NSD3: variants seen among roughly 807,000 people sequenced by gnomAD.
NSD3 encodes histone-lysine N-methyltransferase NSD3.
Under a neutral mutation model 160.8 loss-of-function variants are expected in NSD3, and 24 were observed. That is an observed-to-expected ratio of 0.15 (90% confidence interval 0.11 to 0.21). The LOEUF (loss-of-function observed/expected upper bound fraction) is 0.21, where lower values mean the gene tolerates loss of function less well. Among genes scored for constraint, NSD3 ranks in the 10% least tolerant of loss-of-function variants. NSD3 has a pLI of 1.00. For missense variants in NSD3, 1,157 were observed against 1,735.9 expected (o/e 0.67, Z 5.93); for synonymous variants, 520 against 600.0 (o/e 0.87, Z 1.95).
At chr8:38,287,913 T>A (rs970926225) in intron 19 of NSD3, among the ~76,000 whole-genome samples, 3 of 152,020 alleles carry the variant, frequency 2.0e-5, no homozygotes, top group Admixed American at 6.6e-5. Flanking sequence ...GCCCGGCTGA[T>A]TTTTTTTAAA....
At chr8:38,281,357 T>C (rs1401536433) in intron 20 of NSD3, 110 bp downstream of exon 20, 3 of 523,364 alleles carry the variant, frequency 5.7e-6, no homozygotes, top group East Asian at 3.2e-5. Context: ...CAAATCATTA[T>C]GCTCTGCCTG....
At chr8:38,373,648 A>G (rs1193294445) in intron 1 of NSD3, among the ~76,000 whole-genome samples, 2 of 152,104 alleles carry the variant, frequency 1.3e-5, no homozygotes, top group African/African-American at 4.8e-5. Context: ...TTAATCTCAA[A>G]TCAATTTGAT....
chr8:38,302,084 A>C (rs1402540703), intron 14 of NSD3, among the ~76,000 whole-genome samples: 2 of 152,262 alleles, frequency 1.3e-5, no homozygotes, highest in Non-Finnish European at 2.9e-5. Flanking sequence ...GAAACATTTC[A>C]AAAAATATTT....
chr8:38,307,135 AAAATAAAT>A (rs1554524055), intron 12 of NSD3, among the ~76,000 whole-genome samples: 26 of 93,694 alleles, frequency 2.8e-4, no homozygotes, highest in African/African-American at 7.5e-4. Flanking sequence ...AAAATAAAAT[AAAATAAAT>A]AAATAAATAA....
At chr8:38,310,024 A>AT (rs1809495630) in intron 12 of NSD3, among the ~76,000 whole-genome samples, 1 of 152,180 alleles carries the variant, frequency 6.6e-6, no homozygotes, top group African/African-American at 2.4e-5. Context: ...AAAGCACTTA[A>AT]TTTTTTTAAT....
chr8:38,340,358 A>C (rs1810331632), intron 2 of NSD3, among the ~76,000 whole-genome samples: 1 of 152,120 alleles, frequency 6.6e-6, no homozygotes, highest in African/African-American at 2.4e-5. Context: ...TTTTTGAGAC[A>C]GAGTCTTACT....
At chr8:38,294,499 T>C (rs1308725172) in intron 16 of NSD3, among the ~76,000 whole-genome samples, 1 of 152,210 alleles carries the variant, frequency 6.6e-6, no homozygotes, top group African/African-American at 2.4e-5. Context: ...TCCTGCTTCA[T>C]TCCCTTAAGA....
intron 12 of NSD3, among the ~76,000 whole-genome samples, chr8:38,307,135 AAAAT>A (rs1554524055): frequency 6.4e-5 from 6 of 93,656 alleles, no homozygotes; most frequent in East Asian, 7.2e-4. Context: ...AAAATAAAAT[AAAAT>A]AAATAAATAA....
chr8:38,373,465 C>T (rs1811308135), intron 1 of NSD3, among the ~76,000 whole-genome samples: 1 of 152,096 alleles, frequency 6.6e-6, no homozygotes, highest in Non-Finnish European at 1.5e-5. Flanking sequence ...TTTCACATTT[C>T]ATAACGTAAA....
intron 2 of NSD3, among the ~76,000 whole-genome samples, chr8:38,341,090 G>A (rs145171584): frequency 6.6e-6 from 1 of 152,196 alleles, no homozygotes; most frequent in African/African-American, 2.4e-5. Context: ...AATGGGCTAT[G>A]ACTGCACTCC....
At chr8:38,280,638 C>T (rs1177176097) in intron 20 of NSD3, among the ~76,000 whole-genome samples, 1 of 151,986 alleles carries the variant, frequency 6.6e-6, no homozygotes, top group East Asian at 1.9e-4. Flanking sequence ...AATCAGAGAA[C>T]TGACAAAAAA....
intron 12 of NSD3, among the ~76,000 whole-genome samples, chr8:38,310,798 C>T (rs1265501135): frequency 6.6e-6 from 1 of 151,862 alleles, no homozygotes; most frequent in Non-Finnish European, 1.5e-5. Context: ...AGGTGTGAGA[C>T]ACTACGCCTG....
At position 38,382,265 on chromosome 8, in the gene NSD3, A is replaced by G; in HGVS notation, c.-511T>C. On this transcript the variant is annotated 5_prime_UTR_variant, in exon 1 of 24. Transcript: ENST00000317025. This position sits in a 1 kb window ranked among gnomAD's most constrained non-coding sequence, Gnocchi z 4.2. ...GCCTCTCCCGCCGCCGCCGCGCACA[A>G]AGCCCCCCCACCCCGACTCTCGGGG... 5.9e-6 allele frequency: 1 copy of G among 168,480 alleles called. No individual in the cohort carries two copies. Among genetic ancestry groups the G allele is most frequent in the Non-Finnish European group, 1.2e-5 (1 of 81,716 alleles). The allele number at this position is 168,480 out of a possible 1,614,324, so 10.4% of individuals were successfully genotyped here. A position where few individuals can be genotyped will look rare whatever the true frequency, so the allele number is the denominator to read the frequency against.
chr8:38,277,635 C>A (rs1209666687), intron 22 of NSD3, among the ~76,000 whole-genome samples: 1 of 152,176 alleles, frequency 6.6e-6, no homozygotes, highest in Non-Finnish European at 1.5e-5. Context: ...TTTTAGACAA[C>A]CTGTTAATTT....
intron 5 of NSD3, 32 bp downstream of exon 5, chr8:38,331,399 T>A: frequency 6.5e-7 from 1 of 1,533,046 alleles, no homozygotes; most frequent in Non-Finnish European, 8.8e-7. Context: ...TTAAAAACCA[T>A]ACTAGGTAAA....
chr8:38,357,118 C>CAAAAAAAAAA lies in NSD3; in HGVS notation c.-44-8913_-44-8904dup, dbSNP rs966483645. Among the ~76,000 whole-genome samples the CAAAAAAAAAA allele has an allele frequency of 3.3e-4, 7 of 21,314 alleles. No homozygotes were observed. In the East Asian group the frequency reaches 5.4e-3, roughly 17 times the overall value. 14.0% of individuals were successfully genotyped at this position (21,314 alleles called of 152,430 possible). ...TGGGTGACAAAGCAAGACACCATCT[C>CAAAAAAAAAA]AAAAAAAAAAAAAAAAAAAAAAAAA... On this transcript the variant is annotated intron_variant, in intron 1 of 23. Coordinates refer to ENST00000317025, the MANE Select transcript of NSD3 (RefSeq NM_023034.2).
chr8:38,378,591 A>G (rs1811459880), intron 1 of NSD3, among the ~76,000 whole-genome samples: 1 of 152,150 alleles, frequency 6.6e-6, no homozygotes, highest in Non-Finnish European at 1.5e-5. Context: ...GCAGTGAGCC[A>G]AGATCATGCC....
At position 38,288,771 on chromosome 8, in the gene NSD3, C is replaced by T. The variant is rs767444070; in HGVS notation, c.3232-15G>A. ...ACTTTGTTAGCCTAGAAAACAAAATCGCAAGCGAGAGAGAGGCAGCAGGTA... is the reference window on the plus strand; with the variant it reads ...ACTTTGTTAGCCTAGAAAACAAAATTGCAAGCGAGAGAGAGGCAGCAGGTA... On this transcript the variant is annotated splice_polypyrimidine_tract_variant and intron_variant, in intron 18 of 23. Coordinates refer to ENST00000317025, the MANE Select transcript of NSD3 (RefSeq NM_023034.2). This position sits in a 1 kb window ranked among gnomAD's most constrained non-coding sequence, Gnocchi z 4.5. 3.4e-5 allele frequency: 54 copies of T among 1,607,922 alleles called. No homozygotes were observed. Among genetic ancestry groups the T allele is most frequent in the Non-Finnish European group, 4.4e-5 (52 of 1,175,160 alleles).
intron 7 of NSD3, among the ~76,000 whole-genome samples, chr8:38,326,046 G>C (rs1348288418): frequency 6.6e-6 from 1 of 151,856 alleles, no homozygotes; most frequent in African/African-American, 2.4e-5. Flanking sequence ...TACTCAGGAG[G>C]CTGAGGCAGG....
Sources: allele counts gnomAD v4.1 joint callset (sites outside exome capture counted in the v4.1 genomes callset), GRCh38; gene constraint gnomAD v4.1.1; non-coding constraint Gnocchi (gnomAD v3.1); transcripts MANE v1.5; gene names NCBI Gene and HGNC (gene_info 2026-07-23, HGNC 2026-07-21).